ZNF518A: variants seen among roughly 807,000 people sequenced by gnomAD.
The protein encoded by ZNF518A is zinc finger protein 518.
A neutral mutation model predicts 102.7 loss-of-function variants in ZNF518A; 47 were observed. The observed-to-expected ratio is 0.46, with a 90% confidence interval of 0.36 to 0.58. The LOEUF (loss-of-function observed/expected upper bound fraction) is 0.58. Ranked by LOEUF, ZNF518A falls within the 20% of genes least tolerant of loss-of-function variation. The pLI is 0.00. For missense variants in ZNF518A, 1,793 were observed against 1,699.8 expected (o/e 1.05, Z -0.96); for synonymous variants, 652 against 594.6 (o/e 1.10, Z -1.40).
intron 1 of ZNF518A, among the ~76,000 whole-genome samples, chr10:96,169,978 A>G (rs1202191550): frequency 2.0e-5 from 3 of 152,238 alleles, no homozygotes; most frequent in Admixed American, 6.5e-5. Context: ...TAAATCTTCC[A>G]GTGTTTGCTA....
At chr10:96,137,100 A>G (rs1203325662) in intron 3 of ZNF518A, among the ~76,000 whole-genome samples, 8 of 152,230 alleles carry the variant, frequency 5.3e-5, no homozygotes, top group African/African-American at 1.9e-4. Flanking sequence ...TCTCAGTCAC[A>G]TCTGCGCACC....
At chr10:96,199,314 C>T (rs183977924) in intron 1 of ZNF518A, among the ~76,000 whole-genome samples, 15 of 152,328 alleles carry the variant, frequency 9.8e-5, no homozygotes, top group Admixed American at 2.0e-4. Context: ...GGTGTTCCTA[C>T]ATGATTGAAG....
rs1325912764 is a variant in ZNF518A at position 96,142,303 on chromosome 10, A to AGG, written c.-302+8657_-302+8658dup. 4.3e-3 allele frequency among the ~76,000 whole-genome samples: 394 copies of AGG among 92,574 alleles called. 3 individuals carry two copies. The highest frequency in any genetic ancestry group is 8.8e-3 in the African/African-American group (239 of 27,248). 60.7% of individuals were successfully genotyped at this position (92,574 alleles called of 152,430 possible). A position where few individuals can be genotyped will look rare whatever the true frequency, so the allele number is the denominator to read the frequency against. ...ATTCTGCTTTGAAAGTAATATTCTT[A>AGG]GGGTGTGTGTGTGTGTGTGTGTGTG... On this transcript the variant is annotated intron_variant, in intron 3 of 5. Transcript: ENST00000316045.
rs1181317080 is a variant in ZNF518A, at chr10:96,160,261, A to G, written c.3939A>G (p.Gly1313=). Residue 1313 remains glycine, a synonymous_variant, in exon 6 of 6, where the codon GGA becomes GGG. Coordinates refer to ENST00000316045, the MANE Select transcript of ZNF518A (RefSeq NM_001330736.2). ...AKPEDVRETF[G]FSRPRLSKDS... is the part of the protein sequence containing the mutation. Reference sequence around the variant, plus strand: ...CTGAAGATGTCCGTGAAACATTTGGATTTAGCAGACCTAGGCTTTCAAAAG... The same window carrying G: ...CTGAAGATGTCCGTGAAACATTTGGGTTTAGCAGACCTAGGCTTTCAAAAG... The G allele has an allele frequency of 1.2e-6, 2 of 1,613,546 alleles. No individual in the cohort carries two copies. The highest frequency in any genetic ancestry group is 1.7e-6 in the Non-Finnish European group (2 of 1,179,664).
At chr10:96,193,139 A>G (rs1554893900) in intron 1 of ZNF518A, among the ~76,000 whole-genome samples, 1 of 152,248 alleles carries the variant, frequency 6.6e-6, no homozygotes, top group East Asian at 1.9e-4. Flanking sequence ...GAGGTAAGAG[A>G]CAGGGACTTT....
intron 1 of ZNF518A, among the ~76,000 whole-genome samples, chr10:96,185,069 T>C (rs1443432741): frequency 6.6e-6 from 1 of 152,232 alleles, no homozygotes; most frequent in Non-Finnish European, 1.5e-5. Flanking sequence ...CAATCACTGA[T>C]ACCCTTTCTT....
intron 1 of ZNF518A, among the ~76,000 whole-genome samples, chr10:96,174,028 T>TA (rs1319528865): frequency 6.6e-6 from 1 of 152,106 alleles, no homozygotes; most frequent in Non-Finnish European, 1.5e-5. Flanking sequence ...GTAACAAACT[T>TA]TCTTGAGGTT....
rs587652168 is a variant in ZNF518A at position 96,151,224 on chromosome 10, C to T, written c.-301-4102C>T. Among the ~76,000 whole-genome samples the T allele has an allele frequency of 9.9e-5, 15 of 152,124 alleles. No homozygotes were observed. The South Asian group carries it at 1.0e-3, about 11-fold the overall frequency. ...TGGGATGAATTCCTAAAGAATACAC[C>T]AAGATTTTCTCAGTGTTTTTGTTAG... On this transcript the variant is annotated intron_variant, in intron 3 of 5. Transcript: ENST00000316045.
chr10:96,160,944 A>G lies in ZNF518A; in HGVS notation c.*170A>G. On this transcript the variant is annotated 3_prime_UTR_variant, in exon 6 of 6. Transcript: ENST00000316045. ...GTAAAAGTTGTATGTATGATATTTGAAAATGCTATCCCTGCACTCAAAAGT... is the reference window on the plus strand; with the variant it reads ...GTAAAAGTTGTATGTATGATATTTGGAAATGCTATCCCTGCACTCAAAAGT... 3.1e-6 allele frequency: 2 copies of G among 652,844 alleles called. No individual in the cohort carries two copies. Among genetic ancestry groups the G allele is most frequent in the Non-Finnish European group, 4.7e-6 (2 of 428,662 alleles). 40.4% of individuals were successfully genotyped at this position (652,844 alleles called of 1,614,324 possible).
At chr10:96,192,230 T>G (rs1398498000) in intron 1 of ZNF518A, 1 of 1,233,152 alleles carries the variant, frequency 8.1e-7, no homozygotes, top group Admixed American at 2.0e-5. Context: ...AAAATCTAGT[T>G]TAACAAAGGC....
intron 3 of ZNF518A, among the ~76,000 whole-genome samples, chr10:96,146,733 CTG>C (rs1414519556): frequency 3.3e-5 from 5 of 152,188 alleles, no homozygotes; most frequent in Non-Finnish European, 7.4e-5. Flanking sequence ...TGTGTTCTCT[CTG>C]GTCATATCCT....
intron 1 of ZNF518A, among the ~76,000 whole-genome samples, chr10:96,173,918 A>G (rs1404669824): frequency 1.3e-5 from 2 of 152,166 alleles, no homozygotes; most frequent in African/African-American, 4.8e-5. Flanking sequence ...GTGTTCTCCA[A>G]CCACAATAGA....
At chr10:96,132,691 C>T (rs1233802689) in intron 2 of ZNF518A, 21 bp downstream of exon 2, 5 of 152,058 alleles carry the variant, frequency 3.3e-5, no homozygotes, top group African/African-American at 7.2e-5. Flanking sequence ...GATTGAAATA[C>T]TGGAGTATAT....
At chr10:96,177,607 C>T (rs1554891623) in intron 1 of ZNF518A, among the ~76,000 whole-genome samples, 1 of 152,108 alleles carries the variant, frequency 6.6e-6, no homozygotes, top group African/African-American at 2.4e-5. Flanking sequence ...TGAAGATAGA[C>T]TGTGATAAGT....
At chr10:96,202,300 C>G (rs1298077321) in intron 1 of ZNF518A, among the ~76,000 whole-genome samples, 1 of 152,054 alleles carries the variant, frequency 6.6e-6, no homozygotes, top group Non-Finnish European at 1.5e-5. Context: ...GGGCTGGAAA[C>G]AGAGGGTGGC....
chr10:96,153,874 TG>T (rs2082569162), intron 3 of ZNF518A, among the ~76,000 whole-genome samples: 1 of 152,198 alleles, frequency 6.6e-6, no homozygotes. Flanking sequence ...AGAAAAAGTA[TG>T]TATTACATTT....
chr10:96,173,010 T>C (rs1223047463), intron 1 of ZNF518A, among the ~76,000 whole-genome samples: 1 of 152,136 alleles, frequency 6.6e-6, no homozygotes, highest in South Asian at 2.1e-4. Context: ...ATGTACAGAC[T>C]TTTTTTCTTA....
intron 1 of ZNF518A, chr10:96,191,826 G>T: frequency 9.4e-7 from 1 of 1,069,246 alleles, no homozygotes; most frequent in Non-Finnish European, 1.4e-6. Flanking sequence ...AAAAAGAAAT[G>T]GATGACCACT....
At position 96,158,390 on chromosome 10, in the gene ZNF518A, A is replaced by G; in HGVS notation, c.2068A>G (p.Ser690Gly). The change falls in exon 6 of 6, where the codon AGC (serine) becomes GGC (glycine). Residue 690 changes from serine to glycine, a missense_variant. This residue lies in a region of ZNF518A where 1,741 missense variants were observed against 1,622.6 expected (regional missense o/e 1.07). Transcript: ENST00000316045. ...ATTTTTATCACTAGTGAGGCAGGAGAGCTCAAAACCAGATAGCCTATTAGC... is the reference window on the plus strand; with the variant it reads ...ATTTTTATCACTAGTGAGGCAGGAGGGCTCAAAACCAGATAGCCTATTAGC... ...ESFLSLVRQE[S>G]SKPDSLLASI... 6.2e-7 allele frequency: 1 copy of G among 1,613,660 alleles called. No individual in the cohort carries two copies. The highest frequency in any genetic ancestry group is 8.5e-7 in the Non-Finnish European group (1 of 1,179,750).
Sources: gnomAD v4.1 joint callset for allele counts (sites outside exome capture counted in the v4.1 genomes callset) on GRCh38, gnomAD v4.1.1 for gene constraint, gnomAD v4.1.1 regional missense constraint, MANE v1.5 for transcripts, NCBI Gene and HGNC (gene_info 2026-07-23, HGNC 2026-07-21) for gene names.